RBMS3: variants seen among roughly 807,000 people sequenced by gnomAD.
The protein encoded by RBMS3 is RNA binding motif single stranded interacting protein 3.
A neutral mutation model predicts 66.8 loss-of-function variants in RBMS3; 27 were observed. That is an observed-to-expected ratio of 0.40 (90% CI 0.30 to 0.56). RBMS3 has a LOEUF of 0.56. Ranked by LOEUF, RBMS3 falls within the 20% of genes least tolerant of loss-of-function variation. The pLI, the probability that RBMS3 is intolerant of heterozygous loss-of-function variation, is 0.40. For synonymous variants in RBMS3, 188 were observed against 183.0 expected, an observed-to-expected ratio of 1.03 and a Z score of -0.22; for missense variants, 513 against 549.5, an observed-to-expected ratio of 0.93 and a Z score of 0.66.
intron 4 of RBMS3, among the ~76,000 whole-genome samples, chr3:29,654,395 T>G (rs1474348597): frequency 6.6e-6 from 1 of 152,066 alleles, no homozygotes; most frequent in Admixed American, 6.6e-5. Flanking sequence ...AATTGGAGCC[T>G]ATAATTGATG....
At chr3:29,696,939 GTTTTT>G (rs771350017) in intron 4 of RBMS3, 1 of 981,918 alleles carries the variant, frequency 1.0e-6, no homozygotes, top group African/African-American at 1.7e-5. Flanking sequence ...GGTCGTTTGG[GTTTTT>G]TTTAATTTTT....
intron 6 of RBMS3, among the ~76,000 whole-genome samples, chr3:29,827,874 G>A (rs888833903): frequency 6.6e-6 from 1 of 152,160 alleles, no homozygotes; most frequent in Non-Finnish European, 1.5e-5. Context: ...TAATAAGATT[G>A]TGTCTCTGTT....
At chr3:29,795,645 A>C (rs1458340134) in intron 6 of RBMS3, among the ~76,000 whole-genome samples, 1 of 152,258 alleles carries the variant, frequency 6.6e-6, no homozygotes, top group Non-Finnish European at 1.5e-5. Flanking sequence ...TCTAATCCAT[A>C]ATACAGAAAT....
At chr3:29,381,441 T>C (rs1158465225) in intron 1 of RBMS3, among the ~76,000 whole-genome samples, 1 of 152,036 alleles carries the variant, frequency 6.6e-6, no homozygotes, top group Admixed American at 6.6e-5. Context: ...CCTACAGAAA[T>C]GGGGTTGGTT....
In RBMS3 at chr3:29,575,112, C is replaced by T. The variant is rs1197094951; in HGVS notation, c.308-12002C>T. ...GTTTTGTAGCTTCAGATGATTTCTT[C>T]TTGCTCACTAACATCTTCTTCTTTC... is the stretch of plus-strand genomic sequence containing the variant. On this transcript the variant is annotated intron_variant, in intron 3 of 14. Coordinates refer to ENST00000383767, the MANE Select transcript of RBMS3 (RefSeq NM_001003793.3). 2.6e-5 allele frequency among the ~76,000 whole-genome samples: 4 copies of T among 152,082 alleles called. No homozygotes were observed. The South Asian group carries it at 6.2e-4, about 24-fold the overall frequency.
chr3:29,883,407 A>C (rs907206080), intron 7 of RBMS3, among the ~76,000 whole-genome samples: 1 of 152,072 alleles, frequency 6.6e-6, no homozygotes, highest in Non-Finnish European at 1.5e-5. Context: ...TGCCTACTTC[A>C]TAGGATTGTT....
At chr3:29,865,751 G>A (rs1432033487) in intron 6 of RBMS3, among the ~76,000 whole-genome samples, 1 of 152,036 alleles carries the variant, frequency 6.6e-6, no homozygotes, top group Non-Finnish European at 1.5e-5. Flanking sequence ...ATGGACTGTA[G>A]GACTCACAAA....
intron 3 of RBMS3, chr3:29,526,470 G>C (rs950330184): frequency 7.9e-6 from 1 of 127,030 alleles, no homozygotes; most frequent in African/African-American, 3.0e-5. Context: ...TCAGTGAGCC[G>C]AGATCGCGCC....
intron 6 of RBMS3, among the ~76,000 whole-genome samples, chr3:29,828,030 T>C (rs140020227): frequency 6.9e-4 from 105 of 152,066 alleles, no homozygotes; most frequent in African/African-American, 2.4e-3. Context: ...AGTAAGACCA[T>C]TGACTTTGTG....
chr3:29,732,821 T>G (rs1161475261), intron 4 of RBMS3, among the ~76,000 whole-genome samples: 1 of 152,140 alleles, frequency 6.6e-6, no homozygotes, highest in Non-Finnish European at 1.5e-5. Flanking sequence ...CCACATTAAT[T>G]TTCTTTTCTA....
At chr3:29,282,548 C>T (rs1486345026) in intron 1 of RBMS3, among the ~76,000 whole-genome samples, 1 of 152,032 alleles carries the variant, frequency 6.6e-6, no homozygotes, top group Non-Finnish European at 1.5e-5. Context: ...GTGGGCAGTA[C>T]CTACCCTGAA....
chr3:29,550,894 A>T (rs1011623064), intron 3 of RBMS3, among the ~76,000 whole-genome samples: 31 of 152,322 alleles, frequency 2.0e-4, no homozygotes, highest in South Asian at 8.3e-4. Context: ...TTTGGACAGA[A>T]CTGGTCACAT....
At chr3:29,576,452 C>G (rs1034585364) in intron 3 of RBMS3, among the ~76,000 whole-genome samples, 1 of 152,098 alleles carries the variant, frequency 6.6e-6, no homozygotes. Flanking sequence ...AGCACTGAGT[C>G]TTGCCCAAGG....
intron 4 of RBMS3, among the ~76,000 whole-genome samples, chr3:29,670,502 C>T (rs572382839): frequency 4.6e-5 from 7 of 152,282 alleles, no homozygotes; most frequent in South Asian, 2.1e-4. Flanking sequence ...CTCTGCTAAC[C>T]AAGGGAAGCC....
intron 6 of RBMS3, among the ~76,000 whole-genome samples, chr3:29,824,859 A>G (rs899511327): frequency 1.3e-5 from 2 of 152,172 alleles, no homozygotes; most frequent in Non-Finnish European, 2.9e-5. Context: ...CAAGAAACTA[A>G]AAATTTACAT....
At chr3:29,314,640 AG>A (rs1160994704) in intron 1 of RBMS3, among the ~76,000 whole-genome samples, 2 of 151,642 alleles carry the variant, frequency 1.3e-5, no homozygotes, top group Non-Finnish European at 3.0e-5. Context: ...TCGGGTGCAC[AG>A]GGGTGGAGGG....
intron 6 of RBMS3, among the ~76,000 whole-genome samples, chr3:29,828,995 TTTCTTTCTTTCTTTC>T (rs1275822601): frequency 0.02 from 1,009 of 49,900 alleles, 19 homozygotes; most frequent in African/African-American, 0.071. Flanking sequence ...TCTTTCTTTC[TTTCTTTCTTTCTTTC>T]TTTCTTTCTT....
chr3:29,528,497 C>T (rs2045224489), intron 3 of RBMS3, among the ~76,000 whole-genome samples: 1 of 152,138 alleles, frequency 6.6e-6, no homozygotes, highest in South Asian at 2.1e-4. Flanking sequence ...ACCACATCAG[C>T]ACACATTATT....
chr3:29,525,338 G>A (rs1044526385), intron 3 of RBMS3, among the ~76,000 whole-genome samples: 2 of 152,002 alleles, frequency 1.3e-5, no homozygotes, highest in South Asian at 4.1e-4. Flanking sequence ...TCTGGCTCTG[G>A]CCACAAGAAC....
Sources: gnomAD v4.1 joint callset for allele counts (sites outside exome capture counted in the v4.1 genomes callset) on GRCh38, gnomAD v4.1.1 for gene constraint, MANE v1.5 for transcripts, NCBI Gene and HGNC (gene_info 2026-07-23, HGNC 2026-07-21) for gene names.